Variants in ARHGAP35 observed in about 807,000 individuals in gnomAD.
ARHGAP35 encodes the protein rho GTPase-activating protein 35.
Under a neutral mutation model 111.1 loss-of-function variants are expected in ARHGAP35, and 15 were observed. The observed-to-expected ratio is 0.13, with a 90% CI of 0.09 to 0.21. ARHGAP35 has a LOEUF of 0.21. Ranked by LOEUF, ARHGAP35 falls within the 10% of genes least tolerant of loss-of-function variation. The pLI, the probability that ARHGAP35 is intolerant of heterozygous loss-of-function variation, is 1.00. For synonymous variants in ARHGAP35, 643 were observed against 710.3 expected (o/e 0.91, Z 1.51); for missense variants, 1,262 against 1,873.0 (o/e 0.67, Z 6.02).
intron 1 of ARHGAP35, among the ~76,000 whole-genome samples, chr19:46,863,588 A>G (rs1396035842): frequency 2.6e-5 from 4 of 151,824 alleles, no homozygotes; most frequent in Admixed American, 1.3e-4. Context: ...GAGCCATTGC[A>G]TAGAGTACCC....
chr19:46,972,732 C>T (rs142107459), intron 3 of ARHGAP35, among the ~76,000 whole-genome samples: 4 of 152,188 alleles, frequency 2.6e-5, no homozygotes, highest in Admixed American at 6.5e-5. Context: ...TAAGTGTTTC[C>T]ATGAGTCTCA....
intron 1 of ARHGAP35, among the ~76,000 whole-genome samples, chr19:46,905,576 G>C (rs1393746327): frequency 1.3e-5 from 2 of 148,724 alleles, no homozygotes; most frequent in Non-Finnish European, 3.0e-5. Flanking sequence ...CCAAGACAGA[G>C]TCTTACTCTG....
Position 46,988,868 on chromosome 19 carries a change from C to G in ARHGAP35, c.3905-676C>G, listed in dbSNP as rs138002726. On this transcript the variant is annotated intron_variant, in intron 4 of 6. Coordinates refer to ENST00000672722, the MANE Select transcript of ARHGAP35 (RefSeq NM_004491.5). This position sits in a 1 kb window ranked among gnomAD's most constrained non-coding sequence, Gnocchi z 5.4. ...AACGCCTGCTAATCTGTGGGAGACA[C>G]GAGGCCAAAGTGAGGGTAGAGCCCC... is the stretch of plus-strand genomic sequence containing the variant. The G allele has an allele frequency of 6.0e-3, 921 of 153,322 alleles. 6 individuals carry two copies. Among genetic ancestry groups the G allele is most frequent in the South Asian group, 0.02 (97 of 4,856 alleles). 9.5% of individuals were successfully genotyped at this position (153,322 alleles called of 1,614,324 possible). A position where few individuals can be genotyped will look rare whatever the true frequency, so the allele number is the denominator to read the frequency against.
Position 46,926,644 on chromosome 19 carries a change from A to G in ARHGAP35, c.3681+4288A>G, listed in dbSNP as rs1401241250. On this transcript the variant is annotated intron_variant, in intron 2 of 6. Transcript: ENST00000672722. The surrounding 1 kb of genome is among the most constrained non-coding windows in gnomAD (Gnocchi z 4.1). ...ATTTTGGTGCTAAAAAAAAAAAGAC[A>G]AAACAGAATGATAAAGAAAATCTTT... Among the ~76,000 whole-genome samples the G allele has an allele frequency of 3.3e-5, 5 of 152,186 alleles. No individual in the cohort carries two copies. Among genetic ancestry groups the G allele is most frequent in the Admixed American group, 6.5e-5 (1 of 15,288 alleles).
chr19:47,000,867 C>T lies in ARHGAP35; in HGVS notation c.*179C>T. On this transcript the variant is annotated 3_prime_UTR_variant, in exon 7 of 7. Transcript: ENST00000672722. The surrounding 1 kb of genome is among the most constrained non-coding windows in gnomAD (Gnocchi z 6.9). ...GTACCATCGGCTGGGCTGCCAGGTA[C>T]CCTGGGCCTGGCGCTGCAGACCTGA... 6.5e-7 allele frequency: 1 copy of T among 1,535,734 alleles called. No homozygotes were observed. Among genetic ancestry groups the T allele is most frequent in the Non-Finnish European group, 8.7e-7 (1 of 1,146,500 alleles).
intron 1 of ARHGAP35, among the ~76,000 whole-genome samples, chr19:46,877,736 C>T (rs1329039602): frequency 6.6e-6 from 1 of 151,224 alleles, no homozygotes; most frequent in East Asian, 1.9e-4. Flanking sequence ...GGGACAGTTT[C>T]GCTCTTGTTG....
intron 1 of ARHGAP35, among the ~76,000 whole-genome samples, chr19:46,916,602 G>A (rs1204367916): frequency 6.6e-6 from 1 of 152,076 alleles, no homozygotes; most frequent in African/African-American, 2.4e-5. Flanking sequence ...GCCTCACAGA[G>A]CTTGCATTCT....
intron 1 of ARHGAP35, among the ~76,000 whole-genome samples, chr19:46,863,063 T>C (rs1324462054): frequency 1.3e-5 from 2 of 151,950 alleles, no homozygotes; most frequent in East Asian, 3.9e-4. Flanking sequence ...TTTTTTTTTT[T>C]TTTCCTTCCC....
chr19:46,967,854 G>C (rs1280488252), intron 3 of ARHGAP35, among the ~76,000 whole-genome samples: 5 of 151,478 alleles, frequency 3.3e-5, no homozygotes. Flanking sequence ...GTCCTTCTCT[G>C]ATCTGCTCTG....
At chr19:46,970,681 C>T (rs959563908) in intron 3 of ARHGAP35, among the ~76,000 whole-genome samples, 3 of 152,194 alleles carry the variant, frequency 2.0e-5, no homozygotes, top group Admixed American at 6.5e-5. Context: ...CAAGCCAGGA[C>T]GATGATGCAG....
At chr19:46,973,049 ATTTTC>A (rs1230017936) in intron 3 of ARHGAP35, among the ~76,000 whole-genome samples, 2 of 151,978 alleles carry the variant, frequency 1.3e-5, no homozygotes, top group South Asian at 2.1e-4. Flanking sequence ...AAATCTGTAC[ATTTTC>A]TTTTCTTTTT....
intron 3 of ARHGAP35, among the ~76,000 whole-genome samples, chr19:46,971,780 G>A (rs1460444066): frequency 6.6e-6 from 1 of 151,882 alleles, no homozygotes; most frequent in Non-Finnish European, 1.5e-5. Context: ...TTACAGGTGT[G>A]AGCCACCGCA....
rs1305866268 is a variant in ARHGAP35, at chr19:46,920,447, C to T, written c.1772C>T (p.Ser591Phe). The T allele has an allele frequency of 6.2e-7, 1 of 1,613,938 alleles. No homozygotes were observed. Among genetic ancestry groups the T allele is most frequent in the Non-Finnish European group, 8.5e-7 (1 of 1,179,778 alleles). ...PSDRNQKNSL[S>F]DPNIDRINLV... ...GACCGGAATCAGAAAAATTCACTCT[C>T]TGACCCTAACATTGATAGAATCAAC... The change falls in exon 2 of 7, where the codon TCT (serine) becomes TTT (phenylalanine). Residue 591 changes from serine to phenylalanine, a missense_variant. By Grantham distance (155) the Ser-to-Phe change is radical. This residue lies in a region of ARHGAP35 where 328 missense variants were observed against 440.8 expected (regional missense o/e 0.74). Coordinates refer to ENST00000672722, the MANE Select transcript of ARHGAP35 (RefSeq NM_004491.5). This position sits in a 1 kb window ranked among gnomAD's most constrained non-coding sequence, Gnocchi z 7.0.
At position 46,902,072 on chromosome 19, in the gene ARHGAP35, A is replaced by G. The variant is rs529390233; in HGVS notation, c.-188-16416A>G. ...TGGCTTTTTAAACTTTGATTTTGCC[A>G]TTTTTGAGTCTGTTTGTACTAGGAT... On this transcript the variant is annotated intron_variant, in intron 1 of 6. Transcript: ENST00000672722. Among the ~76,000 whole-genome samples the G allele has an allele frequency of 1.2e-4, 19 of 152,204 alleles. 1 individual carries two copies. The South Asian group carries it at 2.5e-3, about 20-fold the overall frequency.
rs116417711 is a variant in ARHGAP35 at position 46,975,275 on chromosome 19, A to T, written c.3827-12714A>T. ...AGCCGGGGACAAAAACCAAATATAT[A>T]TTTCTTCTACTACACTGCCCCATCC... is the stretch of plus-strand genomic sequence containing the variant. On this transcript the variant is annotated intron_variant, in intron 3 of 6. Transcript: ENST00000672722. 6.3e-3 allele frequency among the ~76,000 whole-genome samples: 953 copies of T among 152,172 alleles called. 11 individuals are homozygous for T. The highest frequency in any genetic ancestry group is 0.022 in the African/African-American group (924 of 41,534).
intron 3 of ARHGAP35, among the ~76,000 whole-genome samples, chr19:46,956,317 C>CA (rs1014701940): frequency 5.5e-5 from 8 of 146,308 alleles, no homozygotes; most frequent in South Asian, 2.2e-4. Flanking sequence ...GACCCTGTCT[C>CA]AAAAAAAAAA....
intron 2 of ARHGAP35, among the ~76,000 whole-genome samples, chr19:46,936,605 G>A (rs1316644774): frequency 6.6e-6 from 1 of 151,966 alleles, no homozygotes; most frequent in Non-Finnish European, 1.5e-5. Context: ...TCCTTGTAGG[G>A]TGTTTGGAAA....
At chr19:46,938,628 C>T (rs908651157) in intron 3 of ARHGAP35, among the ~76,000 whole-genome samples, 4 of 151,000 alleles carry the variant, frequency 2.6e-5, no homozygotes, top group Admixed American at 1.3e-4. Flanking sequence ...GCTGGGATTA[C>T]AGGCATGAGT....
intron 3 of ARHGAP35, among the ~76,000 whole-genome samples, chr19:46,965,786 G>T (rs143530526): frequency 6.6e-6 from 1 of 152,168 alleles, no homozygotes; most frequent in Non-Finnish European, 1.5e-5. Flanking sequence ...CACTCGGCCT[G>T]GATTAATCTT....
Sources: gnomAD v4.1 joint callset for allele counts (sites outside exome capture counted in the v4.1 genomes callset) on GRCh38, gnomAD v4.1.1 for gene constraint, gnomAD v4.1.1 regional missense constraint, Gnocchi (gnomAD v3.1) non-coding constraint, MANE v1.5 for transcripts, NCBI Gene and HGNC (gene_info 2026-07-23, HGNC 2026-07-21) for gene names.